YAP1: variants seen among roughly 807,000 people sequenced by gnomAD.
The protein encoded by YAP1 is transcriptional coactivator YAP1.
In YAP1, 5 loss-of-function variants were observed where a neutral mutation model predicts 56.9. That is an observed-to-expected ratio of 0.09 (90% CI 0.05 to 0.18). The LOEUF (loss-of-function observed/expected upper bound fraction) is 0.18. YAP1 is among the 10% of genes least tolerant of loss of function. YAP1 has a pLI of 1.00. For missense variants in YAP1, 539 were observed against 651.8 expected (o/e 0.83, Z 1.88); for synonymous variants, 265 against 248.1 (o/e 1.07, Z -0.64).
Position 102,231,391 on chromosome 11 carries a change from A to T in YAP1, c.*1451A>T, listed in dbSNP as rs1440391235. On this transcript the variant is annotated 3_prime_UTR_variant, in exon 9 of 9. Coordinates refer to ENST00000282441, the MANE Select transcript of YAP1 (RefSeq NM_001130145.3). ...AAATATTGCCTTCAAGATTGTTCTT[A>T]CTTACAAGACTTGCTCCTACTTCTA... 1 of 152,308 alleles carries T rather than the reference A, an allele frequency of 6.6e-6. No homozygotes were observed. The highest frequency in any genetic ancestry group is 1.5e-5 in the Non-Finnish European group (1 of 68,026). 9.4% of individuals were successfully genotyped at this position (152,308 alleles called of 1,614,324 possible).
chr11:102,203,921 A>T (rs2135587188), intron 4 of YAP1, among the ~76,000 whole-genome samples: 1 of 152,368 alleles, frequency 6.6e-6, no homozygotes, highest in South Asian at 2.1e-4. Context: ...AAACACAGAA[A>T]AGCTGGAGGG....
chr11:102,189,815 A>G (rs924380932), intron 4 of YAP1, among the ~76,000 whole-genome samples: 1 of 152,244 alleles, frequency 6.6e-6, no homozygotes, highest in East Asian at 1.9e-4. Context: ...TTAAAATAAG[A>G]CTAAAGCCGA....
intron 3 of YAP1, among the ~76,000 whole-genome samples, chr11:102,170,455 A>G (rs571428326): frequency 3.5e-4 from 54 of 152,166 alleles, no homozygotes; most frequent in Admixed American, 2.5e-3. Context: ...GCTTAGTTAC[A>G]TGCTTGATTA....
At chr11:102,220,840 T>C (rs1949891506) in intron 6 of YAP1, among the ~76,000 whole-genome samples, 1 of 152,214 alleles carries the variant, frequency 6.6e-6, no homozygotes, top group Non-Finnish European at 1.5e-5. Context: ...GTGGTCAGTA[T>C]CATTTCGGTG....
At chr11:102,171,514 CTAAG>C (rs1946898184) in intron 3 of YAP1, among the ~76,000 whole-genome samples, 1 of 152,160 alleles carries the variant, frequency 6.6e-6, no homozygotes, top group African/African-American at 2.4e-5. Flanking sequence ...AGTCTGAAGT[CTAAG>C]TGTGCTATTT....
Position 102,193,358 on chromosome 11 carries a change from A to G in YAP1, c.802+7227A>G, listed in dbSNP as rs537695783. ...TGTTAAATTCAGTAGGATATATTCT[A>G]AAAAGTAAACAACTTTAGTTGTATT... is the stretch of plus-strand genomic sequence containing the variant. On this transcript the variant is annotated intron_variant, in intron 4 of 8. Coordinates refer to ENST00000282441, the MANE Select transcript of YAP1 (RefSeq NM_001130145.3). Among the ~76,000 whole-genome samples the G allele has an allele frequency of 7.2e-5, 11 of 152,264 alleles. No individual in the cohort carries two copies. The South Asian group carries it at 2.3e-3, about 32-fold the overall frequency.
intron 2 of YAP1, among the ~76,000 whole-genome samples, chr11:102,130,711 A>G (rs1233389889): frequency 6.8e-6 from 1 of 146,426 alleles, no homozygotes; most frequent in Non-Finnish European, 1.5e-5. Flanking sequence ...CCTCTCCTGG[A>G]TAACTACTCT....
chr11:102,176,925 C>CT (rs1565232622), intron 3 of YAP1, among the ~76,000 whole-genome samples: 1 of 151,716 alleles, frequency 6.6e-6, no homozygotes, highest in African/African-American at 2.4e-5. Context: ...GCTGGGAGGA[C>CT]TGAATGAATT....
At chr11:102,133,430 G>A (rs527651631) in intron 2 of YAP1, among the ~76,000 whole-genome samples, 1 of 152,098 alleles carries the variant, frequency 6.6e-6, no homozygotes, top group East Asian at 1.9e-4. Context: ...CGAGTAGCTG[G>A]GACTACAGGC....
intron 2 of YAP1, among the ~76,000 whole-genome samples, chr11:102,129,238 A>AG (rs1430839276): frequency 3.3e-5 from 5 of 149,792 alleles, no homozygotes; most frequent in African/African-American, 1.0e-4. Flanking sequence ...GTCATAGAAT[A>AG]ATTTTTTTTT....
At chr11:102,217,736 G>GT (rs1949729607) in intron 6 of YAP1, among the ~76,000 whole-genome samples, 1 of 151,958 alleles carries the variant, frequency 6.6e-6, no homozygotes, top group African/African-American at 2.4e-5. Flanking sequence ...TATTGCCCAG[G>GT]TTGGAGTGCA....
intron 2 of YAP1, among the ~76,000 whole-genome samples, chr11:102,125,659 G>T (rs574543588): frequency 6.6e-6 from 1 of 152,172 alleles, no homozygotes; most frequent in East Asian, 1.9e-4. Context: ...GATTACTGAT[G>T]TCAGCCATAT....
rs959199628 is a variant in YAP1, at chr11:102,121,450, A to AC, written c.572+7056_572+7057insC. Among the ~76,000 whole-genome samples, 17 of 151,672 alleles carry AC rather than the reference A, an allele frequency of 1.1e-4. No individual in the cohort carries two copies. In the East Asian group the frequency reaches 1.7e-3, roughly 16 times the overall value. Reference sequence around the variant, plus strand: ...TGAGACCTTGTCTCAAAAAAAAAAAAAACTAAAAACAGAAAACCAGTTCAT... The same window carrying AC: ...TGAGACCTTGTCTCAAAAAAAAAAAACAACTAAAAACAGAAAACCAGTTCAT... On this transcript the variant is annotated intron_variant, in intron 2 of 8. Coordinates refer to ENST00000282441, the MANE Select transcript of YAP1 (RefSeq NM_001130145.3).
chr11:102,155,123 A>T lies in YAP1; in HGVS notation c.573-7333A>T, dbSNP rs1421025563. Among the ~76,000 whole-genome samples the T allele has an allele frequency of 9.9e-5, 15 of 152,260 alleles. No homozygotes were observed. In the East Asian group the frequency reaches 2.3e-3, roughly 23 times the overall value. The stretch of plus-strand genomic sequence containing the variant: ...GGTAACCTAACTCCCAACTTAAATA[A>T]ATCTAATGCCTTTCTACCACTGTCC... On this transcript the variant is annotated intron_variant, in intron 2 of 8. Coordinates refer to ENST00000282441, the MANE Select transcript of YAP1 (RefSeq NM_001130145.3).
intron 3 of YAP1, among the ~76,000 whole-genome samples, chr11:102,182,056 G>A (rs985739563): frequency 1.2e-4 from 19 of 152,028 alleles, no homozygotes; most frequent in African/African-American, 4.3e-4. Context: ...TCCTGACCTC[G>A]TGATCCCCTG....
Position 102,112,616 on chromosome 11 carries a change from C to G in YAP1, c.321+1447C>G, listed in dbSNP as rs935952158. 1.2e-5 allele frequency: 12 copies of G among 984,988 alleles called. No homozygotes were observed. The African/African-American group carries it at 1.9e-4, about 16-fold the overall frequency. 61.0% of individuals were successfully genotyped at this position (984,988 alleles called of 1,614,324 possible). On this transcript the variant is annotated intron_variant, in intron 1 of 8. Coordinates refer to ENST00000282441, the MANE Select transcript of YAP1 (RefSeq NM_001130145.3). ...TATTTGCAGGCCTGTTGTATAGTCTCCTGTCGGAGACCAAAGGGTTTTGGA... is the reference window on the plus strand; with the variant it reads ...TATTTGCAGGCCTGTTGTATAGTCTGCTGTCGGAGACCAAAGGGTTTTGGA...
chr11:102,177,538 G>A (rs778640990), intron 3 of YAP1, among the ~76,000 whole-genome samples: 2 of 151,992 alleles, frequency 1.3e-5, no homozygotes, highest in Non-Finnish European at 2.9e-5. Flanking sequence ...TTAGCTGGGC[G>A]TGGTGGTGAG....
intron 2 of YAP1, among the ~76,000 whole-genome samples, chr11:102,121,000 T>C (rs1943613984): frequency 6.6e-6 from 1 of 152,246 alleles, no homozygotes; most frequent in African/African-American, 2.4e-5. Context: ...GGGGGTTCTT[T>C]TGTTTTATAT....
intron 2 of YAP1, among the ~76,000 whole-genome samples, chr11:102,115,591 CTT>C (rs1943232011): frequency 2.2e-5 from 3 of 133,660 alleles, no homozygotes; most frequent in Admixed American, 1.5e-4. Context: ...TTTTTCTTTT[CTT>C]TTCTTCTTTT....
Sources: allele counts gnomAD v4.1 joint callset (sites outside exome capture counted in the v4.1 genomes callset), GRCh38; gene constraint gnomAD v4.1.1; transcripts MANE v1.5; gene names NCBI Gene and HGNC (gene_info 2026-07-23, HGNC 2026-07-21).